MAP3K5: variants seen among roughly 807,000 people sequenced by gnomAD.
MAP3K5 encodes the protein ASK-1.
A neutral mutation model predicts 158.7 loss-of-function variants in MAP3K5; 56 were observed. The observed-to-expected ratio is 0.35, with a 90% CI of 0.28 to 0.44. The LOEUF (loss-of-function observed/expected upper bound fraction) is 0.44. Ranked by LOEUF, MAP3K5 falls within the 20% of genes least tolerant of loss-of-function variation. MAP3K5 has a pLI of 1.00. For synonymous variants in MAP3K5, 579 were observed against 601.7 expected, an observed-to-expected ratio of 0.96 and a Z score of 0.55; for missense variants, 1,294 against 1,674.8, an observed-to-expected ratio of 0.77 and a Z score of 3.97.
chr6:136,606,211 C>T (rs1290141118), intron 18 of MAP3K5, among the ~76,000 whole-genome samples: 4 of 152,094 alleles, frequency 2.6e-5, no homozygotes, highest in African/African-American at 9.7e-5. Context: ...ATTAGCCGGG[C>T]TTGGTGGCGG....
intron 1 of MAP3K5, among the ~76,000 whole-genome samples, chr6:136,778,738 T>A (rs1446383942): frequency 6.6e-6 from 1 of 152,202 alleles, no homozygotes; most frequent in African/African-American, 2.4e-5. Context: ...GGTTCAGAAT[T>A]GGATTCTGCC....
intron 2 of MAP3K5, among the ~76,000 whole-genome samples, chr6:136,717,546 G>A (rs1465688313): frequency 6.6e-6 from 1 of 152,200 alleles, no homozygotes; most frequent in East Asian, 1.9e-4. Context: ...TGTGAAAACA[G>A]AGAAATGCTT....
chr6:136,792,453 T>A lies in MAP3K5; in HGVS notation c.-296A>T. 5.5e-6 allele frequency: 5 copies of A among 903,398 alleles called. No homozygotes were observed. The highest frequency in any genetic ancestry group is 6.6e-6 in the Non-Finnish European group (5 of 756,034). The allele number at this position is 903,398 out of a possible 1,614,324, so 56.0% of individuals were successfully genotyped here. A position where few individuals can be genotyped will look rare whatever the true frequency, so the allele number is the denominator to read the frequency against. On this transcript the variant is annotated 5_prime_UTR_variant, in exon 1 of 30. Transcript: ENST00000359015. The surrounding 1 kb of genome is among the most constrained non-coding windows in gnomAD (Gnocchi z 5.7). Reference sequence around the variant, plus strand: ...AGCGGGAAGGGACGGAGCTTCCTTTTCTTGGCCGGCTGACAAGTCGGCTCG... The same window carrying A: ...AGCGGGAAGGGACGGAGCTTCCTTTACTTGGCCGGCTGACAAGTCGGCTCG...
intron 7 of MAP3K5, among the ~76,000 whole-genome samples, chr6:136,671,931 T>C (rs905501778): frequency 6.6e-6 from 1 of 152,038 alleles, no homozygotes. Flanking sequence ...CGGCCAACTA[T>C]AGAAATTTTT....
intron 14 of MAP3K5, among the ~76,000 whole-genome samples, chr6:136,628,108 T>C (rs1426237954): frequency 1.3e-5 from 2 of 152,028 alleles, no homozygotes; most frequent in Admixed American, 1.3e-4. Context: ...CCAATAGATA[T>C]ATTTAAATCT....
chr6:136,647,231 T>A (rs552326923), intron 11 of MAP3K5, among the ~76,000 whole-genome samples: 1 of 152,334 alleles, frequency 6.6e-6, no homozygotes, highest in Admixed American at 6.5e-5. Context: ...GTCTTATAGC[T>A]ACACTAGCAA....
intron 15 of MAP3K5, among the ~76,000 whole-genome samples, chr6:136,615,911 G>A (rs1776541300): frequency 6.6e-6 from 1 of 152,070 alleles, no homozygotes; most frequent in African/African-American, 2.4e-5. Context: ...GCTTTTTAGA[G>A]TAAGTGCTTT....
intron 4 of MAP3K5, 68 bp from the exon 5 acceptor site, chr6:136,697,455 T>C: frequency 7.6e-7 from 1 of 1,317,666 alleles, no homozygotes; most frequent in Non-Finnish European, 1.1e-6. Context: ...GCAATAATTT[T>C]AATAAAGACA....
At chr6:136,580,044 C>G (rs1009890843) in intron 25 of MAP3K5, among the ~76,000 whole-genome samples, 3 of 152,162 alleles carry the variant, frequency 2.0e-5, no homozygotes, top group African/African-American at 7.2e-5. Context: ...ATCTGAGTCA[C>G]CTGTATACTT....
chr6:136,689,817 C>T (rs556046706), intron 7 of MAP3K5, among the ~76,000 whole-genome samples: 4 of 152,168 alleles, frequency 2.6e-5, no homozygotes, highest in South Asian at 4.2e-4. Context: ...TACCCAGTCT[C>T]TTGTATTCTG....
intron 21 of MAP3K5, among the ~76,000 whole-genome samples, chr6:136,593,070 T>C (rs1380385006): frequency 6.6e-6 from 1 of 152,196 alleles, no homozygotes; most frequent in African/African-American, 2.4e-5. Context: ...TGGGATGCTG[T>C]AGGTCTAGAC....
intron 8 of MAP3K5, among the ~76,000 whole-genome samples, chr6:136,663,393 T>C (rs144671641): frequency 0.014 from 2,149 of 152,328 alleles, 56 homozygotes; most frequent in African/African-American, 0.046. Context: ...CATTCCGCTC[T>C]GAAATATTAC....
In MAP3K5 at chr6:136,567,775, G is replaced by C. The variant is rs749120038; in HGVS notation, c.3617C>G (p.Thr1206Ser). 2 of 1,614,140 alleles carry C rather than the reference G, an allele frequency of 1.2e-6. No homozygotes were observed. The highest frequency in any genetic ancestry group is 3.3e-5 in the Admixed American group (2 of 59,990). Reference protein sequence around the residue: ...DDHEEQPSNQTVRRPQAVIED... With the variant: ...DDHEEQPSNQSVRRPQAVIED... The stretch of plus-strand genomic sequence containing the variant: ...AATGACAGCCTGAGGTCTTCGGACA[G>C]TTTGATTTGAAGGCTGTTCCTCATG... Residue 1206 changes from threonine to serine, a missense_variant, in exon 26 of 30, where the codon ACT becomes AGT. Physicochemically the swap from Thr to Ser is moderately conservative, Grantham distance 58. Around this residue, in one of 5 missense-constraint regions of MAP3K5, gnomAD observed 199 missense variants for 220.3 expected, o/e 0.90. Coordinates refer to ENST00000359015, the MANE Select transcript of MAP3K5 (RefSeq NM_005923.4).
chr6:136,582,228 A>G (rs1774914650), intron 24 of MAP3K5, among the ~76,000 whole-genome samples: 1 of 150,868 alleles, frequency 6.6e-6, no homozygotes, highest in South Asian at 2.1e-4. Context: ...GTGAATGAGC[A>G]AGAGCAGGCG....
chr6:136,668,498 T>C (rs1779325833), intron 8 of MAP3K5, among the ~76,000 whole-genome samples: 1 of 152,214 alleles, frequency 6.6e-6, no homozygotes, highest in South Asian at 2.1e-4. Context: ...TTTCTATGTC[T>C]GTAGTAATTC....
chr6:136,674,096 C>A (rs1779600843), intron 7 of MAP3K5, among the ~76,000 whole-genome samples: 1 of 151,096 alleles, frequency 6.6e-6, no homozygotes, highest in African/African-American at 2.4e-5. Context: ...AGCCAGAATA[C>A]AACGTAGTGA....
chr6:136,683,615 T>G (rs566713142), intron 7 of MAP3K5, among the ~76,000 whole-genome samples: 177 of 152,336 alleles, frequency 1.2e-3, no homozygotes, highest in South Asian at 2.5e-3. Flanking sequence ...GCCAAGAGCA[T>G]TCTAACTCAT....
intron 28 of MAP3K5, among the ~76,000 whole-genome samples, chr6:136,559,305 T>G (rs1583180097): frequency 6.6e-6 from 1 of 151,988 alleles, no homozygotes; most frequent in Non-Finnish European, 1.5e-5. Flanking sequence ...TGAGCTGAGA[T>G]TGACCCACTG....
intron 7 of MAP3K5, among the ~76,000 whole-genome samples, chr6:136,680,494 T>C (rs1411302451): frequency 6.6e-6 from 1 of 152,214 alleles, no homozygotes; most frequent in African/African-American, 2.4e-5. Flanking sequence ...CCATTGCAGA[T>C]CTTTGTTTCC....
Sources: allele counts gnomAD v4.1 joint callset (sites outside exome capture counted in the v4.1 genomes callset), GRCh38; gene constraint gnomAD v4.1.1; regional missense constraint gnomAD v4.1.1; non-coding constraint Gnocchi (gnomAD v3.1); transcripts MANE v1.5; gene names NCBI Gene and HGNC (gene_info 2026-07-23, HGNC 2026-07-21).